TRIM28: variants seen among roughly 807,000 people sequenced by gnomAD.
TRIM28 encodes tripartite motif containing 28.
In TRIM28, 8 loss-of-function variants were observed where a neutral mutation model predicts 87.4. The observed-to-expected ratio is 0.09, with a 90% confidence interval of 0.05 to 0.17. The LOEUF (loss-of-function observed/expected upper bound fraction) is 0.17, where lower values mean the gene tolerates loss of function less well. TRIM28 is among the 10% of genes least tolerant of loss of function. The pLI, the probability that TRIM28 is intolerant of heterozygous loss-of-function variation, is 1.00. For synonymous variants in TRIM28, 601 were observed against 454.3 expected (o/e 1.32, Z -4.11); for missense variants, 968 against 1,131.8 (o/e 0.86, Z 2.08).
rs2053745096 is a variant in TRIM28 at position 58,544,812 on chromosome 19, AGCCCGG to A, written c.64_69del (p.Pro22_Gly23del). On this transcript the variant is annotated inframe_deletion, in exon 1 of 17. Coordinates refer to ENST00000253024, the MANE Select transcript of TRIM28 (RefSeq NM_005762.3). ...AGCAGCGGCCTCGGCCGCCTCTGGC[AGCCCGG>A]GCCCGGGCGAGGGCTCCGCTGGCGG... 5 of 1,224,184 alleles carry A rather than the reference AGCCCGG, an allele frequency of 4.1e-6. No homozygotes were observed. Among genetic ancestry groups the A allele is most frequent in the East Asian group, 3.5e-5 (1 of 28,788 alleles). The allele number at this position is 1,224,184 out of a possible 1,614,324, so 75.8% of individuals were successfully genotyped here.
At position 58,549,728 on chromosome 19, in the gene TRIM28, T is replaced by C; in HGVS notation, c.1983-9T>C. On this transcript the variant is annotated splice_polypyrimidine_tract_variant and intron_variant, in intron 13 of 16. Transcript: ENST00000253024. The surrounding 1 kb of genome is among the most constrained non-coding windows in gnomAD (Gnocchi z 4.4). The stretch of plus-strand genomic sequence containing the variant: ...GATCATGTGCAGACCCTTATTTTCT[T>C]CACCCTAGGGAGGAGTGGAGCTGCT... 1 of 1,602,348 alleles carries C rather than the reference T, an allele frequency of 6.2e-7. No homozygotes were observed. Among genetic ancestry groups the C allele is most frequent in the Non-Finnish European group, 8.5e-7 (1 of 1,172,142 alleles).
In TRIM28 at chr19:58,545,557, C is replaced by T. The variant is rs1307087859; in HGVS notation, c.453+20C>T. On this transcript the variant is annotated intron_variant, in intron 2 of 16. Transcript: ENST00000253024. ...AACCAGGTGCGTCCTATCTCAGCAA[C>T]CACAAGGAGGTTTCTGGGGAGGGGG... 3 of 1,589,866 alleles carry T rather than the reference C, an allele frequency of 1.9e-6. No individual in the cohort carries two copies. Among genetic ancestry groups the T allele is most frequent in the Admixed American group, 3.4e-5 (2 of 59,290 alleles).
chr19:58,548,527 C>G lies in TRIM28; in HGVS notation c.1258C>G (p.Pro420Ala). 5.0e-6 allele frequency: 8 copies of G among 1,613,994 alleles called. No homozygotes were observed. The highest frequency in any genetic ancestry group is 6.8e-6 in the Non-Finnish European group (8 of 1,180,014). ...AERPGTNSTGPAPMAPPRAPG... is the reference protein window; with the variant it reads ...AERPGTNSTGAAPMAPPRAPG... ...GCGTCCTGGCACTAACTCAACAGGCCCTGCACCCATGGCCCCTCCAAGAGC... is the reference window on the plus strand; with the variant it reads ...GCGTCCTGGCACTAACTCAACAGGCGCTGCACCCATGGCCCCTCCAAGAGC... The change falls in exon 9 of 17, where the codon CCT (proline) becomes GCT (alanine). Residue 420 changes from proline (P) to alanine (A), a missense_variant. Physicochemically the swap from Pro to Ala is conservative, Grantham distance 27 (BLOSUM62 -1). This residue lies in a region of TRIM28 where 119 missense variants were observed against 93.6 expected (regional missense o/e 1.27). Coordinates refer to ENST00000253024, the MANE Select transcript of TRIM28 (RefSeq NM_005762.3).
intron 3 of TRIM28, 179 bp from the exon 4 acceptor site, chr19:58,547,197 T>G: frequency 3.1e-6 from 2 of 636,670 alleles, no homozygotes; most frequent in South Asian, 2.1e-5. Flanking sequence ...GGCAGAGGAT[T>G]CTGGGAGCAA....
At position 58,548,129 on chromosome 19, in the gene TRIM28, T is replaced by C. The variant is rs2053777688; in HGVS notation, c.1050T>C (p.Ser350=). 6.2e-7 allele frequency: 1 copy of C among 1,614,112 alleles called. No homozygotes were observed. The highest frequency in any genetic ancestry group is 1.3e-5 in the African/African-American group (1 of 74,936). ...AGGAGCACATTCTGCGCTTTGCCTC[T>C]TGGGCTCTGGAGAGTGACAACAACA... The part of the protein sequence containing the change: ...KHQEHILRFA[S]WALESDNNTA... Residue 350 remains serine (S), a synonymous_variant, in exon 7 of 17, where the codon TCT becomes TCC. Coordinates refer to ENST00000253024, the MANE Select transcript of TRIM28 (RefSeq NM_005762.3).
At chr19:58,545,611 C>A in intron 2 of TRIM28, 74 bp downstream of exon 2, 1 of 1,490,492 alleles carries the variant, frequency 6.7e-7, no homozygotes, top group Non-Finnish European at 9.3e-7. Context: ...TTGGCACCAG[C>A]TCCAGGCTGT....
intron 9 of TRIM28, 73 bp from the exon 10 acceptor site, chr19:58,548,667 G>A: frequency 3.7e-6 from 6 of 1,606,078 alleles, no homozygotes; most frequent in East Asian, 4.5e-5. Context: ...ACCCAGGCAG[G>A]GGGGGTGGGC....
Position 58,550,555 on chromosome 19 carries a change from G to A in TRIM28, c.*2G>A. ...GGTGGCCCTGGTGATGGCCCCTGAG[G>A]CTGGAGCCCCCATGGCCAGCCCAGC... is the stretch of plus-strand genomic sequence containing the variant. On this transcript the variant is annotated 3_prime_UTR_variant, in exon 17 of 17. Coordinates refer to ENST00000253024, the MANE Select transcript of TRIM28 (RefSeq NM_005762.3). The A allele has an allele frequency of 6.2e-7, 1 of 1,604,378 alleles. No homozygotes were observed.
rs200968836 is a variant in TRIM28, at chr19:58,547,692, G to A, written c.818G>A (p.Ser273Asn). 6.2e-7 allele frequency: 1 copy of A among 1,614,168 alleles called. No individual in the cohort carries two copies. The highest frequency in any genetic ancestry group is 2.2e-5 in the East Asian group (1 of 44,886). Residue 273 changes from serine (S) to asparagine (N), a missense_variant, in exon 5 of 17, where the codon AGC becomes AAC. Coordinates refer to ENST00000253024, the MANE Select transcript of TRIM28 (RefSeq NM_005762.3). ...GACAAACATGCAACATTGCAGAAGA[G>A]CACCAAGGAGGTTCGCAGCTCGTAA... ...LGDKHATLQK[S>N]TKEVRSSIRQ...
chr19:58,545,297 A>C, intron 1 of TRIM28, 128 bp from the exon 2 acceptor site: 1 of 925,590 alleles, frequency 1.1e-6, no homozygotes, highest in East Asian at 2.5e-5. Context: ...GGAGAAAAGA[A>C]GGCTCGGGGA....
Position 58,544,813 on chromosome 19 carries a change from G to T in TRIM28, c.56G>T (p.Ser19Ile), listed in dbSNP as rs1313240283. 6.4e-6 allele frequency: 8 copies of T among 1,243,930 alleles called. No individual in the cohort carries two copies. The Admixed American group carries it at 1.2e-4, about 19-fold the overall frequency. 77.1% of individuals were successfully genotyped at this position (1,243,930 alleles called of 1,614,324 possible). A position where few individuals can be genotyped will look rare whatever the true frequency, so the allele number is the denominator to read the frequency against. ...GCAGCGGCCTCGGCCGCCTCTGGCA[G>T]CCCGGGCCCGGGCGAGGGCTCCGCT... is the stretch of plus-strand genomic sequence containing the variant. ...SAAAASAASG[S>I]PGPGEGSAGG... The change falls in exon 1 of 17, where the codon AGC (serine) becomes ATC (isoleucine). Residue 19 changes from serine (S) to isoleucine (I), a missense_variant. Around this residue, in one of 11 missense-constraint regions of TRIM28, gnomAD observed 208 missense variants for 170.9 expected, o/e 1.22. Transcript: ENST00000253024.
rs1226567189 is a variant in TRIM28 at position 58,550,373 on chromosome 19, C to T, written c.2332-4C>T. The T allele has an allele frequency of 6.2e-7, 1 of 1,613,690 alleles. No individual in the cohort carries two copies. ...TTCATCCACTGCATTCCTGCTTGGCCCAGGACAAGGCAGACGTGCAGTCCA... is the reference window on the plus strand; with the variant it reads ...TTCATCCACTGCATTCCTGCTTGGCTCAGGACAAGGCAGACGTGCAGTCCA... On this transcript the variant is annotated splice_region_variant and splice_polypyrimidine_tract_variant and intron_variant, in intron 16 of 16. Coordinates refer to ENST00000253024, the MANE Select transcript of TRIM28 (RefSeq NM_005762.3).
chr19:58,544,785 G>A lies in TRIM28; in HGVS notation c.28G>A (p.Ala10Thr). 1.7e-6 allele frequency: 2 copies of A among 1,180,810 alleles called. No homozygotes were observed. Among genetic ancestry groups the A allele is most frequent in the African/African-American group, 1.6e-5 (1 of 61,898 alleles). The allele number at this position is 1,180,810 out of a possible 1,614,324, so 73.1% of individuals were successfully genotyped here. MAASAAAAS[A>T]AAASAASGSP... ...GGCGGCCTCCGCGGCGGCAGCCTCG[G>A]CAGCAGCGGCCTCGGCCGCCTCTGG... The change falls in exon 1 of 17, where the codon GCA (alanine) becomes ACA (threonine). Residue 10 changes from alanine to threonine, a missense_variant. Physicochemically the swap from Ala to Thr is moderately conservative, Grantham distance 58. Around this residue, in one of 11 missense-constraint regions of TRIM28, gnomAD observed 208 missense variants for 170.9 expected, o/e 1.22. Transcript: ENST00000253024.
rs964693228 is a variant in TRIM28 at position 58,550,568 on chromosome 19, T to C, written c.*15T>C. 1.9e-6 allele frequency: 3 copies of C among 1,599,978 alleles called. No individual in the cohort carries two copies. The highest frequency in any genetic ancestry group is 2.7e-5 in the African/African-American group (2 of 74,796). On this transcript the variant is annotated 3_prime_UTR_variant, in exon 17 of 17. Transcript: ENST00000253024. The stretch of plus-strand genomic sequence containing the variant: ...ATGGCCCCTGAGGCTGGAGCCCCCA[T>C]GGCCAGCCCAGCCTGGCTCTGTTCT...
chr19:58,544,990 C>A lies in TRIM28; in HGVS notation c.233C>A (p.Pro78His). 6.6e-7 allele frequency: 1 copy of A among 1,515,770 alleles called. No homozygotes were observed. The highest frequency in any genetic ancestry group is 2.2e-5 in the Admixed American group (1 of 46,502). The allele number at this position is 1,515,770 out of a possible 1,614,324, so 93.9% of individuals were successfully genotyped here. The stretch of plus-strand genomic sequence containing the variant: ...GAGCGCCTGCGACCCGAGAGGGAGC[C>A]CCGCCTGCTGCCCTGTTTGCACTCG... Reference protein sequence around the residue: ...CRERLRPEREPRLLPCLHSAC... With the variant: ...CRERLRPEREHRLLPCLHSAC... The change falls in exon 1 of 17, where the codon CCC (proline) becomes CAC (histidine). Residue 78 changes from proline (P) to histidine (H), a missense_variant. By Grantham distance (77) the Pro-to-His change is moderately conservative (BLOSUM62 -2). This residue lies in a region of TRIM28 where 208 missense variants were observed against 170.9 expected (regional missense o/e 1.22). Transcript: ENST00000253024.
Position 58,550,403 on chromosome 19 carries a change from C to A in TRIM28, c.2358C>A (p.Ile786=). Residue 786 remains isoleucine (I), a synonymous_variant, in exon 17 of 17, where the codon ATC becomes ATA. Transcript: ENST00000253024. ...ACAAGGCAGACGTGCAGTCCATCATCGGCCTGCAGCGCTTCTTCGAGACGC... is the reference window on the plus strand; with the variant it reads ...ACAAGGCAGACGTGCAGTCCATCATAGGCCTGCAGCGCTTCTTCGAGACGC... The part of the protein sequence containing the change: ...TEDKADVQSI[I]GLQRFFETRM... 1 of 1,614,052 alleles carries A rather than the reference C, an allele frequency of 6.2e-7. No individual in the cohort carries two copies. Among genetic ancestry groups the A allele is most frequent in the Non-Finnish European group, 8.5e-7 (1 of 1,179,982 alleles).
intron 1 of TRIM28, 24 bp from the exon 2 acceptor site, chr19:58,545,401 C>G (rs368873475): frequency 5.7e-6 from 9 of 1,569,970 alleles, no homozygotes; most frequent in Non-Finnish European, 7.9e-6. Flanking sequence ...TTGTAACAGT[C>G]TCCCACATCC....
intron 7 of TRIM28, 44 bp from the exon 8 acceptor site, chr19:58,548,250 G>T: frequency 6.2e-7 from 1 of 1,613,778 alleles, no homozygotes. Flanking sequence ...ATCCCTATTT[G>T]TTGTTGGTGT....
chr19:58,548,707 C>A (rs781120607), intron 9 of TRIM28, 33 bp from the exon 10 acceptor site: 1 of 1,612,624 alleles, frequency 6.2e-7, no homozygotes, highest in Admixed American at 1.7e-5. Flanking sequence ...GGTTCCTGTC[C>A]CACTGAGGCA....
Sources: allele counts gnomAD v4.1 joint callset, GRCh38; gene constraint gnomAD v4.1.1; regional missense constraint gnomAD v4.1.1; non-coding constraint Gnocchi (gnomAD v3.1); transcripts MANE v1.5; gene names NCBI Gene and HGNC (gene_info 2026-07-23, HGNC 2026-07-21).